MAPK8: variants seen among roughly 807,000 people sequenced by gnomAD.
MAPK8 encodes mitogen-activated protein kinase 8.
A neutral mutation model predicts 52.9 loss-of-function variants in MAPK8; 13 were observed. The observed-to-expected ratio is 0.25, with a 90% CI of 0.16 to 0.39. MAPK8 has a LOEUF of 0.39. Among genes scored for constraint, MAPK8 ranks in the 10% least tolerant of loss-of-function variants. The probability of loss-of-function intolerance (pLI) is 1.00; values close to 1 mark genes in which losing one functional copy is unlikely to be tolerated. For missense variants in MAPK8, 300 were observed against 519.2 expected, an observed-to-expected ratio of 0.58 and a Z score of 4.10; for synonymous variants, 191 against 169.8, an observed-to-expected ratio of 1.12 and a Z score of -0.97.
At chr10:48,349,390 C>T (rs1409721447) in intron 1 of MAPK8, among the ~76,000 whole-genome samples, 1 of 152,140 alleles carries the variant, frequency 6.6e-6, no homozygotes. Flanking sequence ...CACTCCTCAG[C>T]AAATGCAAAA....
intron 1 of MAPK8, among the ~76,000 whole-genome samples, chr10:48,346,357 G>C (rs988245880): frequency 1.3e-5 from 2 of 152,186 alleles, no homozygotes; most frequent in Non-Finnish European, 2.9e-5. Flanking sequence ...AGGAGCTGAG[G>C]GGACATAGTG....
chr10:48,361,739 G>A (rs954054440), intron 1 of MAPK8, among the ~76,000 whole-genome samples: 12 of 152,038 alleles, frequency 7.9e-5, no homozygotes, highest in Admixed American at 7.2e-4. Flanking sequence ...TTCCCCTGGG[G>A]CGTAGGGGGG....
At position 48,311,656 on chromosome 10, in the gene MAPK8, G is replaced by C. The variant is rs145790579; in HGVS notation, c.-50+4835G>C. On this transcript the variant is annotated intron_variant, in intron 1 of 11. Coordinates refer to ENST00000374189, the MANE Select transcript of MAPK8 (RefSeq NM_001323329.2). ...GATCTTCGATTCTGTGAAGATTGCA[G>C]ATTTGTCAGAGACCTGGTAACCACA... Among the ~76,000 whole-genome samples the C allele has an allele frequency of 9.1e-4, 139 of 152,332 alleles. 1 individual carries two copies. The East Asian group carries it at 0.02, about 22-fold the overall frequency.
chr10:48,386,040 G>GA (rs1014685721), intron 1 of MAPK8, among the ~76,000 whole-genome samples: 7 of 151,976 alleles, frequency 4.6e-5, no homozygotes, highest in East Asian at 1.9e-4. Context: ...CAACTAATAT[G>GA]AAAAAAATTA....
intron 1 of MAPK8, 99 bp from the exon 2 acceptor site, chr10:48,401,513 G>T: frequency 3.0e-6 from 2 of 659,714 alleles, no homozygotes; most frequent in East Asian, 3.1e-5. Context: ...TCATGATCTA[G>T]CAGTCTGTGT....
intron 5 of MAPK8, among the ~76,000 whole-genome samples, chr10:48,415,462 A>G (rs189706548): frequency 2.6e-5 from 4 of 152,344 alleles, no homozygotes; most frequent in Admixed American, 6.5e-5. Flanking sequence ...AAAGAGCAAT[A>G]TTTATGGTAA....
intron 5 of MAPK8, among the ~76,000 whole-genome samples, chr10:48,418,980 T>A (rs1400188428): frequency 6.6e-6 from 1 of 152,200 alleles, no homozygotes; most frequent in Non-Finnish European, 1.5e-5. Flanking sequence ...TTCTTAAACA[T>A]GCAGTGTTTC....
chr10:48,312,196 G>A (rs574527797), intron 1 of MAPK8, among the ~76,000 whole-genome samples: 18 of 152,254 alleles, frequency 1.2e-4, no homozygotes, highest in African/African-American at 4.3e-4. Flanking sequence ...AGAGTGTGGT[G>A]CACATTAGTC....
At chr10:48,379,077 G>A (rs572614565) in intron 1 of MAPK8, among the ~76,000 whole-genome samples, 7 of 152,294 alleles carry the variant, frequency 4.6e-5, no homozygotes, top group Admixed American at 6.5e-5. Context: ...AAACTTTTTC[G>A]TTAGAAATTT....
chr10:48,413,198 G>A (rs2042855697), intron 5 of MAPK8, among the ~76,000 whole-genome samples: 1 of 152,134 alleles, frequency 6.6e-6, no homozygotes. Flanking sequence ...TCAGTCAGTG[G>A]CAATTGGGTT....
intron 7 of MAPK8, chr10:48,425,050 C>CAGT (rs2043592993): frequency 1.6e-6 from 1 of 608,148 alleles, no homozygotes; most frequent in African/African-American, 1.9e-5. Context: ...AGAATTTCAG[C>CAGT]AGTAGTAGTT....
chr10:48,403,818 G>A (rs2042290773), intron 2 of MAPK8, among the ~76,000 whole-genome samples: 1 of 151,096 alleles, frequency 6.6e-6, no homozygotes, highest in Admixed American at 6.6e-5. Context: ...GCGTGATCTT[G>A]GCTCACTGCA....
At chr10:48,404,287 G>A (rs1172641584) in intron 2 of MAPK8, among the ~76,000 whole-genome samples, 2 of 151,670 alleles carry the variant, frequency 1.3e-5, no homozygotes, top group Non-Finnish European at 2.9e-5. Context: ...CTCTCAAGTA[G>A]CTGGGACTAC....
intron 5 of MAPK8, among the ~76,000 whole-genome samples, chr10:48,415,783 G>A (rs1158867594): frequency 6.6e-6 from 1 of 152,184 alleles, no homozygotes; most frequent in Non-Finnish European, 1.5e-5. Context: ...AAGTAGGGTT[G>A]CTATACAAAA....
At chr10:48,386,659 T>C (rs1032649220) in intron 1 of MAPK8, among the ~76,000 whole-genome samples, 5 of 152,226 alleles carry the variant, frequency 3.3e-5, no homozygotes, top group African/African-American at 1.2e-4. Context: ...ATATTTGTTA[T>C]TGTTTAAACA....
chr10:48,427,992 A>G (rs2043805670), intron 10 of MAPK8, among the ~76,000 whole-genome samples: 1 of 152,220 alleles, frequency 6.6e-6, no homozygotes, highest in African/African-American at 2.4e-5. Flanking sequence ...ACATGCCTGG[A>G]AGAAAAATCC....
chr10:48,422,466 G>A (rs1229522415), intron 6 of MAPK8, among the ~76,000 whole-genome samples: 2 of 152,200 alleles, frequency 1.3e-5, no homozygotes, highest in Non-Finnish European at 2.9e-5. Flanking sequence ...CTAGAGTTGT[G>A]CATGAATCAG....
chr10:48,386,584 G>A (rs923119760), intron 1 of MAPK8, among the ~76,000 whole-genome samples: 6 of 152,132 alleles, frequency 3.9e-5, no homozygotes, highest in African/African-American at 1.4e-4. Flanking sequence ...AGTAATTTTA[G>A]AATCTTGGAT....
At chr10:48,384,572 T>C (rs899294184) in intron 1 of MAPK8, among the ~76,000 whole-genome samples, 4 of 152,212 alleles carry the variant, frequency 2.6e-5, no homozygotes, top group Non-Finnish European at 4.4e-5. Flanking sequence ...ATGTGTGGAC[T>C]CAGCATGGAT....
Sources: allele counts gnomAD v4.1 joint callset (sites outside exome capture counted in the v4.1 genomes callset), GRCh38; gene constraint gnomAD v4.1.1; transcripts MANE v1.5; gene names NCBI Gene and HGNC (gene_info 2026-07-23, HGNC 2026-07-21).